The following MAN2B2 variants were observed in gnomAD, a reference collection of about 807,000 sequenced individuals.
MAN2B2 encodes mannosidase alpha class 2B member 2, also known as epididymis-specific alpha-mannosidase.
A neutral mutation model predicts 117.1 loss-of-function variants in MAN2B2; 106 were observed. That is an observed-to-expected ratio of 0.90 (90% CI 0.77 to 1.06). The LOEUF (loss-of-function observed/expected upper bound fraction) is 1.06. Among genes scored for constraint, MAN2B2 ranks in the 50% least tolerant of loss-of-function variants. The probability of loss-of-function intolerance (pLI) is 0.00; values close to 1 mark genes in which losing one functional copy is unlikely to be tolerated. For synonymous variants in MAN2B2, 544 were observed against 595.1 expected (o/e 0.91, Z 1.25); for missense variants, 1,326 against 1,381.4 (o/e 0.96, Z 0.64).
At chr4:6,580,952 A>T (rs1577272148) in intron 3 of MAN2B2, among the ~76,000 whole-genome samples, 1 of 152,300 alleles carries the variant, frequency 6.6e-6, no homozygotes, top group South Asian at 2.1e-4. Flanking sequence ...GCCTCCAGAG[A>T]CACAAGAGAC....
chr4:6,614,326 A>T lies in MAN2B2; in HGVS notation c.2672A>T (p.His891Leu), dbSNP rs1441100671. Residue 891 changes from histidine (H) to leucine (L), a missense_variant, in exon 16 of 19, where the codon CAC (histidine) becomes CTC (leucine). Physicochemically the swap from His to Leu is moderately conservative, Grantham distance 99. Transcript: ENST00000285599. ...CCTGGCTGGCGCTACAGCTCCAACC[A>T]CACGGAGCACTCTCAGAATCTCCGG... is the stretch of plus-strand genomic sequence containing the variant. ...SIPGWRYSSNHTEHSQNLRKG... is the reference protein window; with the variant it reads ...SIPGWRYSSNLTEHSQNLRKG... The T allele has an allele frequency of 6.2e-7, 1 of 1,614,098 alleles. No individual in the cohort carries two copies. The highest frequency in any genetic ancestry group is 8.5e-7 in the Non-Finnish European group (1 of 1,179,986).
At chr4:6,604,854 T>C (rs1727473706) in intron 10 of MAN2B2, among the ~76,000 whole-genome samples, 1 of 152,048 alleles carries the variant, frequency 6.6e-6, no homozygotes, top group Non-Finnish European at 1.5e-5. Flanking sequence ...ACCAGCTATC[T>C]TCAGGTCGCT....
chr4:6,579,186 T>G (rs867823032), intron 3 of MAN2B2, among the ~76,000 whole-genome samples: 28 of 22,208 alleles, frequency 1.3e-3, no homozygotes, highest in Admixed American at 2.1e-3. Context: ...ACCATCACCA[T>G]CACCAGCACC....
intron 1 of MAN2B2, 42 bp from the exon 2 acceptor site, chr4:6,576,520 CCCCAGGGACACTTGGT>C: frequency 6.3e-7 from 1 of 1,587,146 alleles, no homozygotes; most frequent in Admixed American, 1.7e-5. Flanking sequence ...ATGGCAGGGG[CCCCAGGGACACTTGGT>C]CTTGTTGGAC....
rs1726071123 is a variant in MAN2B2 at position 6,576,626 on chromosome 4, G to A, written c.187G>A (p.Glu63Lys). ...AANVYTSVVE[E>K]LARGQQRRFI... ...CAATGTCTACACCTCAGTGGTGGAA[G>A]AGCTGGCCCGCGGCCAGCAGCGCCG... Residue 63 changes from glutamate (E) to lysine (K), a missense_variant, in exon 2 of 19, where the codon GAG becomes AAG. Transcript: ENST00000285599. 1 of 1,613,908 alleles carries A rather than the reference G, an allele frequency of 6.2e-7. No homozygotes were observed. Among genetic ancestry groups the A allele is most frequent in the Non-Finnish European group, 8.5e-7 (1 of 1,180,004 alleles).
At chr4:6,620,654 T>C (rs371625198) in intron 18 of MAN2B2, 42 of 159,954 alleles carry the variant, frequency 2.6e-4, no homozygotes, top group African/African-American at 5.6e-4. Context: ...GCACGCTCAG[T>C]TGGTGGTGGG....
At chr4:6,617,785 A>T in intron 17 of MAN2B2, 1 of 322,016 alleles carries the variant, frequency 3.1e-6, no homozygotes, top group Non-Finnish European at 5.7e-6. Flanking sequence ...GGCTCAAGTG[A>T]TCCTCCCACC....
rs4689489 is a variant in MAN2B2, at chr4:6,617,438, A to G, written c.2760A>G (p.Leu920=). 1,608,244 of 1,614,180 alleles carry G rather than the reference A, an allele frequency of 1. 801,290 individuals carry two copies. Among genetic ancestry groups the G allele is most frequent in the East Asian group, 1 (44,871 of 44,872 alleles). The change falls in exon 17 of 19, where the codon CTA becomes CTG. Residue 920 remains leucine (L), a synonymous_variant. Coordinates refer to ENST00000285599, the MANE Select transcript of MAN2B2 (RefSeq NM_015274.3). ...LRRVLLRLYH[L]YEVGEDPVLS... ...GTGTCCTGCTGCGGCTCTACCACCT[A>G]TATGAAGTGGGCGAGGACCCAGTCC... is the stretch of plus-strand genomic sequence containing the variant.
intron 11 of MAN2B2, among the ~76,000 whole-genome samples, chr4:6,605,883 TCATC>T (rs1727525868): frequency 6.6e-6 from 1 of 150,510 alleles, no homozygotes; most frequent in South Asian, 2.1e-4. Context: ...ACCTACCCAT[TCATC>T]CATCCATCCA....
chr4:6,604,979 C>T, intron 10 of MAN2B2, 76 bp from the exon 11 acceptor site: 2 of 1,497,218 alleles, frequency 1.3e-6, no homozygotes, highest in Non-Finnish European at 1.8e-6. Context: ...ACTGCTGCCT[C>T]AGCAAGTAGT....
At chr4:6,605,500 G>C (rs1160072940) in intron 11 of MAN2B2, among the ~76,000 whole-genome samples, 171 bp downstream of exon 11, 2 of 152,166 alleles carry the variant, frequency 1.3e-5, no homozygotes, top group African/African-American at 4.8e-5. Context: ...GCCTGGGCCA[G>C]TGCAGGAAAG....
chr4:6,603,121 C>T (rs1311789537), intron 10 of MAN2B2, among the ~76,000 whole-genome samples: 3 of 152,174 alleles, frequency 2.0e-5, no homozygotes, highest in African/African-American at 7.2e-5. Context: ...GGAAAGCCTT[C>T]AGGAATCTTA....
Position 6,594,400 on chromosome 4 carries a change from G to A in MAN2B2, c.859-134G>A, listed in dbSNP as rs891391560. ...GAGCCGAGATCAAGCCACTGCTATGGGAGCTGGTTTGGGGCCCCTGTTGGC... is the reference window on the plus strand; with the variant it reads ...GAGCCGAGATCAAGCCACTGCTATGAGAGCTGGTTTGGGGCCCCTGTTGGC... On this transcript the variant is annotated intron_variant, in intron 6 of 18. Transcript: ENST00000285599. 7 of 742,582 alleles carry A rather than the reference G, an allele frequency of 9.4e-6. No homozygotes were observed. In the Admixed American group the frequency reaches 1.5e-4, roughly 16 times the overall value. The allele number at this position is 742,582 out of a possible 1,614,324, so 46.0% of individuals were successfully genotyped here.
At chr4:6,617,357 C>T (rs374400861) in intron 16 of MAN2B2, 23 bp from the exon 17 acceptor site, 43 of 1,603,362 alleles carry the variant, frequency 2.7e-5, no homozygotes, top group Non-Finnish European at 3.6e-5. Flanking sequence ...GTCTTCACTG[C>T]CACCTTCCTT....
intron 9 of MAN2B2, among the ~76,000 whole-genome samples, chr4:6,599,599 C>T (rs1354196918): frequency 6.7e-6 from 1 of 149,578 alleles, no homozygotes; most frequent in Non-Finnish European, 1.5e-5. Flanking sequence ...GGAGGCGGAG[C>T]TTGCAGTGAG....
intron 6 of MAN2B2, 140 bp downstream of exon 6, chr4:6,593,490 T>G (rs1208816854): frequency 3.7e-6 from 3 of 819,566 alleles, no homozygotes; most frequent in Non-Finnish European, 5.4e-6. Context: ...CCTCCTTCCC[T>G]GCAGACCCCT....
intron 6 of MAN2B2, among the ~76,000 whole-genome samples, chr4:6,593,914 C>T (rs1726964198): frequency 6.6e-6 from 1 of 152,152 alleles, no homozygotes; most frequent in African/African-American, 2.4e-5. Context: ...AGGAATTTTC[C>T]TGAGGCCACA....
At chr4:6,602,046 A>T (rs1727353683) in intron 10 of MAN2B2, among the ~76,000 whole-genome samples, 2 of 152,182 alleles carry the variant, frequency 1.3e-5, no homozygotes, top group African/African-American at 4.8e-5. Context: ...CATCCCTGTC[A>T]TCCCCTCATG....
chr4:6,580,242 C>T (rs1487140833), intron 3 of MAN2B2, among the ~76,000 whole-genome samples: 1 of 152,188 alleles, frequency 6.6e-6, no homozygotes, highest in South Asian at 2.1e-4. Flanking sequence ...CAGAGCTCCT[C>T]CTGTGGCCAG....
Sources: allele counts gnomAD v4.1 joint callset (sites outside exome capture counted in the v4.1 genomes callset), GRCh38; gene constraint gnomAD v4.1.1; transcripts MANE v1.5; gene names NCBI Gene and HGNC (gene_info 2026-07-23, HGNC 2026-07-21).